The following DDX60L variants were observed in gnomAD, a reference collection of about 807,000 sequenced individuals.
DDX60L encodes DExD/H-box 60 like.
DDX60L carries 191 observed loss-of-function variants against 211.6 expected under a neutral mutation model. The ratio of observed to expected loss-of-function variants is 0.90; its 90% CI spans 0.80 to 1.02. The LOEUF is 1.02. Among genes scored for constraint, DDX60L ranks in the 50% least tolerant of loss-of-function variants. The pLI, the probability that DDX60L is intolerant of heterozygous loss-of-function variation, is 0.00. For synonymous variants in DDX60L, 706 were observed against 694.1 expected, an observed-to-expected ratio of 1.02 and a Z score of -0.27; for missense variants, 2,007 against 1,984.1, an observed-to-expected ratio of 1.01 and a Z score of -0.22.
Position 168,441,220 on chromosome 4 carries a change from C to G in DDX60L, c.1294+117G>C, listed in dbSNP as rs1022365492. ...TTTTAAACCTCAATTAAGAGGTAAA[C>G]AAGAAAGCACAGTGAAGGAAAATTA... On this transcript the variant is annotated intron_variant, in intron 10 of 37. Coordinates refer to ENST00000682922, the MANE Select transcript of DDX60L (RefSeq NM_001012967.3). 4 of 998,066 alleles carry G rather than the reference C, an allele frequency of 4.0e-6. 1 individual carries two copies. The highest frequency in any genetic ancestry group is 5.4e-5 in the Admixed American group (2 of 37,042). 61.8% of individuals were successfully genotyped at this position (998,066 alleles called of 1,614,324 possible).
rs1476314076 is a variant in DDX60L at position 168,427,264 on chromosome 4, T to C, written c.1736A>G (p.Asp579Gly). 1 of 1,613,852 alleles carries C rather than the reference T, an allele frequency of 6.2e-7. No homozygotes were observed. The highest frequency in any genetic ancestry group is 2.2e-5 in the East Asian group (1 of 44,844). The change falls in exon 14 of 38, where the codon GAT becomes GGT. Residue 579 changes from aspartate (D) to glycine (G), a missense_variant. Transcript: ENST00000682922. ...KSKKKSFLKE[D>G]QNKAQQNDDL... ...ATCGTTTTGCTGAGCTTTGTTCTGA[T>C]CTTCTTTGAGAAATGACTTTTTCTT...
At chr4:168,406,543 A>G in intron 23 of DDX60L, 59 bp downstream of exon 23, 1 of 1,250,678 alleles carries the variant, frequency 8.0e-7, no homozygotes, top group East Asian at 2.6e-5. Flanking sequence ...TAATTTTGCT[A>G]TATTCTGGAA....
chr4:168,418,573 G>A (rs934413731), intron 19 of DDX60L, among the ~76,000 whole-genome samples: 29 of 152,192 alleles, frequency 1.9e-4, no homozygotes, highest in Non-Finnish European at 4.0e-4. Context: ...ATGACAGCAT[G>A]TCTACCAACT....
rs184345979 is a variant in DDX60L at position 168,424,251 on chromosome 4, G to T, written c.1931-477C>A. Among the ~76,000 whole-genome samples, 12 of 152,290 alleles carry T rather than the reference G, an allele frequency of 7.9e-5. 1 individual carries two copies. In the South Asian group the frequency reaches 2.1e-3, roughly 26 times the overall value. ...AGTACTTGTATTTATGAAACCATCA[G>T]CAGAACCCTTCAATTATTGAGGGCT... On this transcript the variant is annotated intron_variant, in intron 14 of 37. Coordinates refer to ENST00000682922, the MANE Select transcript of DDX60L (RefSeq NM_001012967.3).
intron 29 of DDX60L, chr4:168,390,570 G>A: frequency 1.9e-6 from 2 of 1,043,024 alleles, no homozygotes; most frequent in African/African-American, 1.7e-5. Context: ...TCAAGAATAA[G>A]CAAAATGATA....
At chr4:168,445,601 C>A (rs1028028977) in intron 9 of DDX60L, among the ~76,000 whole-genome samples, 3 of 152,032 alleles carry the variant, frequency 2.0e-5, no homozygotes, top group Non-Finnish European at 4.4e-5. Context: ...GACCAATATC[C>A]TTGATGAACA....
In DDX60L at chr4:168,453,149, C is replaced by T. The variant is rs766996274; in HGVS notation, c.971G>A (p.Arg324Lys). Reference protein sequence around the residue: ...CSRVITCSWIRNSDSFLKMNK... With the variant: ...CSRVITCSWIKNSDSFLKMNK... ...CATTTTTAAGAAAGAATCACTGTTC[C>T]TAATCCAAGAGCATGTGATGACTCG... Residue 324 changes from arginine (R) to lysine (K), a missense_variant, in exon 8 of 38, where the codon AGG (arginine) becomes AAG (lysine). Arg to Lys is a conservative substitution (Grantham distance 26, BLOSUM62 2). Transcript: ENST00000682922. 9.9e-6 allele frequency: 16 copies of T among 1,610,716 alleles called. No homozygotes were observed. In the Admixed American group the frequency reaches 2.4e-4, roughly 24 times the overall value.
At chr4:168,474,885 A>G (rs142295293) in intron 1 of DDX60L, among the ~76,000 whole-genome samples, 10 of 152,346 alleles carry the variant, frequency 6.6e-5, no homozygotes, top group African/African-American at 2.2e-4. Context: ...GAAGAAAAAT[A>G]TGAATCCCTG....
chr4:168,447,684 A>C (rs1755031236), intron 9 of DDX60L, among the ~76,000 whole-genome samples: 1 of 151,312 alleles, frequency 6.6e-6, no homozygotes, highest in Non-Finnish European at 1.5e-5. Context: ...ACACCATGGA[A>C]TACTATGCAG....
rs968259356 is a variant in DDX60L at position 168,357,969 on chromosome 4, C to A, written c.*178G>T. The A allele has an allele frequency of 1.1e-5, 6 of 532,844 alleles. No homozygotes were observed. Among genetic ancestry groups the A allele is most frequent in the Admixed American group, 3.8e-5 (1 of 26,154 alleles). 33.0% of individuals were successfully genotyped at this position (532,844 alleles called of 1,614,324 possible). On this transcript the variant is annotated 3_prime_UTR_variant, in exon 38 of 38. Transcript: ENST00000682922. Reference sequence around the variant, plus strand: ...TTTTGCCAAAAATGAAGTTAAAGCTCAGATATATTACATAACTTAAAGTCA... The same window carrying A: ...TTTTGCCAAAAATGAAGTTAAAGCTAAGATATATTACATAACTTAAAGTCA...
Position 168,390,603 on chromosome 4 carries a change from CTTTTA to C in DDX60L, c.3915+932_3915+936del, listed in dbSNP as rs1744625988. Reference sequence around the variant, plus strand: ...ATAAAATTTATATTTTATAATTTATCTTTTATATTTCGAGACTAGGCAAAGATTAT... The same window carrying C: ...ATAAAATTTATATTTTATAATTTATCTATTTCGAGACTAGGCAAAGATTAT... On this transcript the variant is annotated intron_variant, in intron 29 of 37. Transcript: ENST00000682922. 5 of 861,438 alleles carry C rather than the reference CTTTTA, an allele frequency of 5.8e-6. No individual in the cohort carries two copies. The South Asian group carries it at 1.1e-4, about 19-fold the overall frequency. 53.4% of individuals were successfully genotyped at this position (861,438 alleles called of 1,614,324 possible).
intron 22 of DDX60L, among the ~76,000 whole-genome samples, chr4:168,412,989 A>G (rs1400444953): frequency 6.6e-6 from 1 of 152,260 alleles, no homozygotes; most frequent in Non-Finnish European, 1.5e-5. Flanking sequence ...CCCAGTGCAG[A>G]TAATGGCTGC....
chr4:168,382,617 T>C (rs1743161248), intron 30 of DDX60L, among the ~76,000 whole-genome samples: 1 of 152,124 alleles, frequency 6.6e-6, no homozygotes, highest in Non-Finnish European at 1.5e-5. Context: ...TTCTTTAATG[T>C]AAAAATTTCA....
chr4:168,442,666 G>A (rs371442130), intron 9 of DDX60L, among the ~76,000 whole-genome samples: 4 of 151,658 alleles, frequency 2.6e-5, no homozygotes, highest in South Asian at 4.2e-4. Flanking sequence ...CTCCCAGCAC[G>A]CAGCTGGAGA....
chr4:168,386,910 G>C (rs955524717), intron 29 of DDX60L, among the ~76,000 whole-genome samples: 4 of 152,132 alleles, frequency 2.6e-5, no homozygotes, highest in Admixed American at 6.5e-5. Context: ...TAGATAGAGA[G>C]CAAAAGGAAT....
Position 168,413,766 on chromosome 4 carries a change from A to T in DDX60L, c.2979+1642T>A, listed in dbSNP as rs1028590073. ...ATAGCCTCAAAAGGGCAAATCTAAG[A>T]TTTATTGGCCTTAAAGGGGCTTAAA... On this transcript the variant is annotated intron_variant, in intron 22 of 37. Transcript: ENST00000682922. Among the ~76,000 whole-genome samples the T allele has an allele frequency of 6.2e-4, 95 of 152,264 alleles. 1 individual carries two copies. Among genetic ancestry groups the T allele is most frequent in the Admixed American group, 1.7e-3 (26 of 15,294 alleles).
intron 36 of DDX60L, among the ~76,000 whole-genome samples, chr4:168,367,952 G>C (rs1740278257): frequency 6.6e-6 from 1 of 152,222 alleles, no homozygotes; most frequent in Non-Finnish European, 1.5e-5. Context: ...CTTGGGTACT[G>C]TTAAAGGCAT....
At chr4:168,366,706 G>A (rs1360635711) in intron 36 of DDX60L, among the ~76,000 whole-genome samples, 4 of 151,958 alleles carry the variant, frequency 2.6e-5, no homozygotes, top group Non-Finnish European at 5.9e-5. Context: ...GCAGCTAGAG[G>A]CATCACACTG....
intron 36 of DDX60L, among the ~76,000 whole-genome samples, chr4:168,370,569 C>CCTA (rs2149629761): frequency 6.6e-6 from 1 of 151,966 alleles, no homozygotes; most frequent in African/African-American, 2.4e-5. Flanking sequence ...TACAAAGTAG[C>CCTA]CAGAAGAGAG....
Sources: gnomAD v4.1 joint callset for allele counts (sites outside exome capture counted in the v4.1 genomes callset) on GRCh38, gnomAD v4.1.1 for gene constraint, MANE v1.5 for transcripts, NCBI Gene and HGNC (gene_info 2026-07-23, HGNC 2026-07-21) for gene names.